Variants in KIAA0232 observed in about 807,000 individuals in gnomAD.
The protein encoded by KIAA0232 is uncharacterized protein KIAA0232.
In KIAA0232, 27 loss-of-function variants were observed where a neutral mutation model predicts 122.0. The ratio of observed to expected loss-of-function variants is 0.22; its 90% CI spans 0.16 to 0.31. The LOEUF is 0.31. Among genes scored for constraint, KIAA0232 ranks in the 10% least tolerant of loss-of-function variants. The pLI is 1.00. For missense variants in KIAA0232, 1,551 were observed against 1,634.2 expected (o/e 0.95, Z 0.88); for synonymous variants, 613 against 587.6 (o/e 1.04, Z -0.63).
chr4:6,824,475 G>A lies in KIAA0232; in HGVS notation c.22G>A (p.Val8Ile). ...ATTCATGTACCCTATCTGTACAGTT[G>A]TTGTGGATGGTTTGCCATCTGAAAG... is the stretch of plus-strand genomic sequence containing the variant. The part of the protein sequence containing the change: MYPICTV[V>I]VDGLPSESSS... The change falls in exon 3 of 10, where the codon GTT becomes ATT. Residue 8 changes from valine (V) to isoleucine (I), a missense_variant. Physicochemically the swap from Val to Ile is conservative, Grantham distance 29. Coordinates refer to ENST00000307659, the MANE Select transcript of KIAA0232 (RefSeq NM_014743.3). 1 of 1,614,140 alleles carries A rather than the reference G, an allele frequency of 6.2e-7. No individual in the cohort carries two copies. The highest frequency in any genetic ancestry group is 2.2e-5 in the East Asian group (1 of 44,882).
At chr4:6,821,491 A>G (rs904918820) in intron 2 of KIAA0232, among the ~76,000 whole-genome samples, 2 of 151,946 alleles carry the variant, frequency 1.3e-5, no homozygotes, top group African/African-American at 4.8e-5. Flanking sequence ...TTCTATTCCT[A>G]TATTACTTCA....
chr4:6,858,321 A>G (rs1454515168), intron 5 of KIAA0232, 104 bp from the exon 6 acceptor site: 1 of 659,388 alleles, frequency 1.5e-6, no homozygotes, highest in East Asian at 3.0e-5. Context: ...TTTAAGCACC[A>G]AAGTCTCTAT....
rs116686195 is a variant in KIAA0232, at chr4:6,801,484, T to A, written c.-353-3039T>A. On this transcript the variant is annotated intron_variant, in intron 1 of 9. Transcript: ENST00000307659. ...TGGGAGGATTGCTTGAGCCTAGGAGTTCGTGACCAGCCTGAGCAATGTAGT... is the reference window on the plus strand; with the variant it reads ...TGGGAGGATTGCTTGAGCCTAGGAGATCGTGACCAGCCTGAGCAATGTAGT... Among the ~76,000 whole-genome samples, 632 of 152,146 alleles carry A rather than the reference T, an allele frequency of 4.2e-3. 6 individuals carry two copies. The highest frequency in any genetic ancestry group is 0.014 in the African/African-American group (593 of 41,486).
chr4:6,791,488 C>T (rs1018756763), intron 1 of KIAA0232, among the ~76,000 whole-genome samples: 1 of 151,532 alleles, frequency 6.6e-6, no homozygotes, highest in African/African-American at 2.4e-5. Flanking sequence ...ACCACCACAC[C>T]CAGCTAATTT....
chr4:6,792,527 C>A (rs917741226), intron 1 of KIAA0232, among the ~76,000 whole-genome samples: 1 of 152,058 alleles, frequency 6.6e-6, no homozygotes, highest in Non-Finnish European at 1.5e-5. Context: ...GAGATAATTT[C>A]ATACAATTAA....
chr4:6,807,451 G>C (rs1046038143), intron 2 of KIAA0232, among the ~76,000 whole-genome samples: 1 of 152,034 alleles, frequency 6.6e-6, no homozygotes, highest in Non-Finnish European at 1.5e-5. Context: ...TCTTTTTGTA[G>C]AAAGAACTCA....
At chr4:6,806,799 A>C (rs758367163) in intron 2 of KIAA0232, among the ~76,000 whole-genome samples, 18 of 151,380 alleles carry the variant, frequency 1.2e-4, no homozygotes, top group Non-Finnish European at 2.4e-4. Flanking sequence ...GCTGATCGAA[A>C]CTTTCAGGTC....
At chr4:6,877,023 C>A (rs753182630) in intron 9 of KIAA0232, among the ~76,000 whole-genome samples, 2 of 152,202 alleles carry the variant, frequency 1.3e-5, no homozygotes, top group Non-Finnish European at 2.9e-5. Flanking sequence ...CACTACTGCC[C>A]GAGGGCATTG....
At chr4:6,870,047 C>T (rs1721391732) in intron 7 of KIAA0232, among the ~76,000 whole-genome samples, 2 of 152,226 alleles carry the variant, frequency 1.3e-5, no homozygotes, top group Admixed American at 6.5e-5. Flanking sequence ...CTCTCAGGCA[C>T]AGTGAGGAAG....
intron 2 of KIAA0232, among the ~76,000 whole-genome samples, chr4:6,807,308 TTATCTA>T (rs1293502543): frequency 6.6e-6 from 1 of 152,236 alleles, no homozygotes; most frequent in Non-Finnish European, 1.5e-5. Flanking sequence ...AGTAGTAATC[TTATCTA>T]TAAGAACAAT....
Position 6,862,371 on chromosome 4 carries a change from T to G in KIAA0232, c.1989T>G (p.Ser663=). 1.2e-6 allele frequency: 2 copies of G among 1,614,198 alleles called. No individual in the cohort carries two copies. The highest frequency in any genetic ancestry group is 1.7e-6 in the Non-Finnish European group (2 of 1,180,036). Residue 663 remains serine, a synonymous_variant, in exon 7 of 10, where the codon TCT becomes TCG. Transcript: ENST00000307659. ...GCAGTAATTCTGTTTTACCATTTTCTTTTGAAACACTCAACTTGGGAAATG... is the reference window on the plus strand; with the variant it reads ...GCAGTAATTCTGTTTTACCATTTTCGTTTGAAACACTCAACTTGGGAAATG... The part of the protein sequence containing the change: ...VQCSNSVLPF[S]FETLNLGNEN...
chr4:6,848,477 A>C (rs961447217), intron 4 of KIAA0232, among the ~76,000 whole-genome samples: 1 of 152,254 alleles, frequency 6.6e-6, no homozygotes. Context: ...TCCCTAAAAA[A>C]TACAGTATGA....
intron 7 of KIAA0232, among the ~76,000 whole-genome samples, chr4:6,868,166 C>T (rs1721286087): frequency 6.6e-6 from 1 of 152,238 alleles, no homozygotes; most frequent in Admixed American, 6.5e-5. Context: ...TTGTTTCCTT[C>T]ACCCAGCTTC....
At chr4:6,834,018 C>T (rs901603261) in intron 3 of KIAA0232, among the ~76,000 whole-genome samples, 1 of 152,160 alleles carries the variant, frequency 6.6e-6, no homozygotes, top group Non-Finnish European at 1.5e-5. Flanking sequence ...CTAACCCCAC[C>T]TTCTTCACTT....
chr4:6,813,403 C>A (rs973827288), intron 2 of KIAA0232, among the ~76,000 whole-genome samples: 9 of 149,836 alleles, frequency 6.0e-5, no homozygotes, highest in African/African-American at 2.2e-4. Context: ...CGCTCTGTTG[C>A]CCAGGCTGGA....
intron 3 of KIAA0232, among the ~76,000 whole-genome samples, chr4:6,833,520 C>T (rs1317761673): frequency 6.6e-6 from 1 of 152,002 alleles, no homozygotes; most frequent in East Asian, 1.9e-4. Flanking sequence ...GTCTCAGCTG[C>T]TCGGGAGGCT....
chr4:6,810,857 A>G lies in KIAA0232; in HGVS notation c.-270+6251A>G, dbSNP rs188208958. On this transcript the variant is annotated intron_variant, in intron 2 of 9. Coordinates refer to ENST00000307659, the MANE Select transcript of KIAA0232 (RefSeq NM_014743.3). ...GCTCAGCATCACCAGTCATCAGAGA[A>G]ATGCAAACCAAAACCAGAATGAGAT... Among the ~76,000 whole-genome samples the G allele has an allele frequency of 3.0e-4, 46 of 152,336 alleles. 1 individual carries two copies. The highest frequency in any genetic ancestry group is 2.6e-3 in the Admixed American group (40 of 15,300).
intron 3 of KIAA0232, among the ~76,000 whole-genome samples, chr4:6,833,346 C>A (rs185592185): frequency 2.4e-4 from 36 of 152,136 alleles, no homozygotes; most frequent in African/African-American, 8.2e-4. Flanking sequence ...GGAAGAAAGC[C>A]AGGAGTATCT....
chr4:6,835,153 C>G (rs1234135025), intron 3 of KIAA0232, among the ~76,000 whole-genome samples: 3 of 152,118 alleles, frequency 2.0e-5, no homozygotes, highest in Non-Finnish European at 4.4e-5. Flanking sequence ...GGATTGTTGA[C>G]CAGAGCCTCT....
Sources: allele counts gnomAD v4.1 joint callset (sites outside exome capture counted in the v4.1 genomes callset), GRCh38; gene constraint gnomAD v4.1.1; transcripts MANE v1.5; gene names NCBI Gene and HGNC (gene_info 2026-07-23, HGNC 2026-07-21).